Variants in PSMB1 observed in about 807,000 individuals in gnomAD.
PSMB1 encodes proteasome 20S subunit beta 1, also known as proteasome subunit beta type-1.
In PSMB1, 7 loss-of-function variants were observed where a neutral mutation model predicts 25.4. The ratio of observed to expected loss-of-function variants is 0.28; its 90% CI spans 0.16 to 0.52. PSMB1 has a LOEUF of 0.52. PSMB1 is among the 20% of genes least tolerant of loss of function. PSMB1 has a pLI of 0.97. For synonymous variants in PSMB1, 119 were observed against 115.0 expected (o/e 1.03, Z -0.22); for missense variants, 284 against 302.2 (o/e 0.94, Z 0.45).
chr6:170,553,207 G>T lies in PSMB1; in HGVS notation c.36C>A (p.Gly12=), dbSNP rs749310290. The part of the protein sequence containing the change: ...LSSTAMYSAP[G]RDLGMEPHRA... ...TGTGCGGTTCCATCCCCAAGTCTCT[G>T]CCAGGAGCCGAATACATGGCTGTAG... Residue 12 remains glycine (G), a synonymous_variant, in exon 1 of 6, where the codon GGC becomes GGA. Transcript: ENST00000262193. 3 of 1,613,808 alleles carry T rather than the reference G, an allele frequency of 1.9e-6. No individual in the cohort carries two copies. In the South Asian group the frequency reaches 3.3e-5, roughly 18 times the overall value.
At chr6:170,552,900 C>G (rs967856977) in intron 1 of PSMB1, among the ~76,000 whole-genome samples, 14 of 152,228 alleles carry the variant, frequency 9.2e-5, no homozygotes, top group African/African-American at 3.1e-4. Flanking sequence ...ACCCTAAAAA[C>G]CAAGGCTGTA....
intron 1 of PSMB1, among the ~76,000 whole-genome samples, chr6:170,551,584 T>C (rs2114982898): frequency 6.6e-6 from 1 of 152,176 alleles, no homozygotes. Flanking sequence ...TAGGGCATAC[T>C]GAACACTGAA....
chr6:170,546,841 A>G (rs754608373), intron 2 of PSMB1, among the ~76,000 whole-genome samples: 1 of 152,240 alleles, frequency 6.6e-6, no homozygotes, highest in East Asian at 1.9e-4. Context: ...ATAAAATTCT[A>G]CAGGGAAATT....
intron 5 of PSMB1, among the ~76,000 whole-genome samples, chr6:170,536,819 C>T (rs976803674): frequency 5.3e-5 from 8 of 152,118 alleles, no homozygotes; most frequent in Admixed American, 1.3e-4. Flanking sequence ...GGGGAACTGG[C>T]GCCCCAATCC....
In PSMB1 at chr6:170,535,362, G is replaced by C; in HGVS notation, c.584C>G (p.Ser195Cys). ...NMQNVEHVPL[S>C]LDRAMRLVKD... ...CACCAGCCGCATGGCTCTGTCCAAG[G>C]ACAGCGGAACATGCTCCACATTCTG... Residue 195 changes from serine to cysteine, a missense_variant, in exon 6 of 6, where the codon TCC (serine) becomes TGC (cysteine). By Grantham distance (112) the Ser-to-Cys change is moderately radical. Coordinates refer to ENST00000262193, the MANE Select transcript of PSMB1 (RefSeq NM_002793.4). The C allele has an allele frequency of 6.2e-7, 1 of 1,614,092 alleles. No homozygotes were observed. Among genetic ancestry groups the C allele is most frequent in the Non-Finnish European group, 8.5e-7 (1 of 1,180,010 alleles).
chr6:170,536,287 T>C (rs758539899), intron 5 of PSMB1: 8 of 429,930 alleles, frequency 1.9e-5, no homozygotes, highest in Middle Eastern at 3.5e-4. Context: ...CTAGCTATTT[T>C]ATCATTTACT....
intron 5 of PSMB1, chr6:170,536,307 T>C: frequency 2.3e-6 from 1 of 442,826 alleles, no homozygotes; most frequent in Non-Finnish European, 4.5e-6. Context: ...TACCATAAAA[T>C]ACACATAAAC....
In PSMB1 at chr6:170,535,321, A is replaced by G. The variant is rs766860223; in HGVS notation, c.625T>C (p.Ser209Pro). 7.4e-6 allele frequency: 12 copies of G among 1,614,018 alleles called. No homozygotes were observed. The highest frequency in any genetic ancestry group is 8.5e-6 in the Non-Finnish European group (10 of 1,179,998). Residue 209 changes from serine (S) to proline (P), a missense_variant, in exon 6 of 6, where the codon TCT (serine) becomes CCT (proline). Transcript: ENST00000262193. ...GTGTACACATCTCTCTCAGCCGCAG[A>G]AATGAAGACATCTTTCACCAGCCGC... ...AMRLVKDVFI[S>P]AAERDVYTGD... is the part of the protein sequence containing the mutation.
chr6:170,538,747 A>C (rs1778723426), intron 4 of PSMB1, among the ~76,000 whole-genome samples: 1 of 152,244 alleles, frequency 6.6e-6, no homozygotes, highest in Non-Finnish European at 1.5e-5. Flanking sequence ...TGGAGAAGGC[A>C]CCATCTGAGG....
chr6:170,549,393 C>A, intron 1 of PSMB1: 1 of 353,740 alleles, frequency 2.8e-6, no homozygotes, highest in Non-Finnish European at 5.2e-6. Flanking sequence ...TAAATACTTA[C>A]TCGCGCAAGG....
intron 4 of PSMB1, among the ~76,000 whole-genome samples, chr6:170,542,574 GCC>G (rs1047878177): frequency 6.6e-6 from 1 of 152,110 alleles, no homozygotes; most frequent in Admixed American, 6.6e-5. Context: ...ACTATCCCTG[GCC>G]CTGAACCAAA....
intron 5 of PSMB1, chr6:170,536,485 C>G (rs1030995306): frequency 1.1e-5 from 5 of 456,566 alleles, no homozygotes; most frequent in African/African-American, 1.0e-4. Context: ...CAAGAAAAAG[C>G]TGAATTGCTT....
intron 4 of PSMB1, among the ~76,000 whole-genome samples, chr6:170,538,482 C>T (rs754874190): frequency 7.2e-5 from 11 of 152,132 alleles, no homozygotes; most frequent in South Asian, 2.1e-4. Flanking sequence ...GGGCCGATCA[C>T]GAGGTCAGGA....
At position 170,537,363 on chromosome 6, in the gene PSMB1, A is replaced by G. The variant is rs369818183; in HGVS notation, c.434-23T>C. 59 of 1,559,010 alleles carry G rather than the reference A, an allele frequency of 3.8e-5. No individual in the cohort carries two copies. The African/African-American group carries it at 4.2e-4, about 11-fold the overall frequency. On this transcript the variant is annotated intron_variant, in intron 4 of 5. Transcript: ENST00000262193. ...TTCCTTAAAGAAGAAAACAGTATTC[A>G]TAAGGATGGTATCCAATCACAATCC...
chr6:170,536,179 C>T (rs545781486), intron 5 of PSMB1: 22 of 326,484 alleles, frequency 6.7e-5, no homozygotes, highest in African/African-American at 3.7e-4. Context: ...TTTGGAGACT[C>T]GCAACACTTT....
chr6:170,551,985 TA>T (rs1244482775), intron 1 of PSMB1, among the ~76,000 whole-genome samples: 1 of 152,258 alleles, frequency 6.6e-6, no homozygotes, highest in Non-Finnish European at 1.5e-5. Flanking sequence ...GAACCAAGGC[TA>T]AAATCAGACT....
intron 1 of PSMB1, among the ~76,000 whole-genome samples, chr6:170,551,623 G>A (rs1210123142): frequency 6.6e-6 from 1 of 152,132 alleles, no homozygotes; most frequent in African/African-American, 2.4e-5. Flanking sequence ...ATAGCCTTAC[G>A]AAACGGGTCC....
rs1562355397 is a variant in PSMB1, at chr6:170,553,165, C to T, written c.78G>A (p.Leu26=). The T allele has an allele frequency of 1.2e-6, 2 of 1,613,684 alleles. No homozygotes were observed. The highest frequency in any genetic ancestry group is 1.7e-6 in the Non-Finnish European group (2 of 1,179,854). ...GMEPHRAAGP[L]QLRFSPYVFN... ...AAACGTAGGGCGAAAATCGCAGCTG[C>T]AAAGGGCCCGCGGCTCTGTGCGGTT... Residue 26 remains leucine, a synonymous_variant, in exon 1 of 6, where the codon TTG becomes TTA. Transcript: ENST00000262193.
chr6:170,537,466 G>A, intron 4 of PSMB1, 126 bp from the exon 5 acceptor site: 1 of 688,424 alleles, frequency 1.5e-6, no homozygotes, highest in East Asian at 2.8e-5. Context: ...TCAGGGAACA[G>A]TTGGAACACA....
Sources: gnomAD v4.1 joint callset for allele counts (sites outside exome capture counted in the v4.1 genomes callset) on GRCh38, gnomAD v4.1.1 for gene constraint, MANE v1.5 for transcripts, NCBI Gene and HGNC (gene_info 2026-07-23, HGNC 2026-07-21) for gene names.